Variants in PRKACB observed in about 807,000 individuals in gnomAD.
The protein encoded by PRKACB is protein kinase cAMP-activated catalytic subunit beta.
PRKACB carries 16 observed loss-of-function variants against 51.4 expected under a neutral mutation model. The observed-to-expected ratio is 0.31, with a 90% CI of 0.21 to 0.47. PRKACB has a LOEUF of 0.47. PRKACB is among the 20% of genes least tolerant of loss of function. The pLI is 1.00. For synonymous variants in PRKACB, 147 were observed against 154.4 expected (o/e 0.95, Z 0.35); for missense variants, 309 against 464.5 (o/e 0.67, Z 3.08).
chr1:84,232,727 A>G (rs1675937173), intron 9 of PRKACB, among the ~76,000 whole-genome samples: 1 of 151,950 alleles, frequency 6.6e-6, no homozygotes, highest in Non-Finnish European at 1.5e-5. Flanking sequence ...AGAGACTAGG[A>G]TTGCAACCCC....
intron 1 of PRKACB, among the ~76,000 whole-genome samples, chr1:84,148,859 G>A (rs1192353852): frequency 6.6e-6 from 1 of 152,074 alleles, no homozygotes; most frequent in African/African-American, 2.4e-5. Context: ...CTAACATAAC[G>A]AGAAGCTTTT....
At position 84,151,264 on chromosome 1, in the gene PRKACB, T is replaced by C. The variant is rs566843052; in HGVS notation, c.187+6716T>C. On this transcript the variant is annotated intron_variant, in intron 1 of 9. Transcript: ENST00000370685. ...CAGTGTGCAATAACATTATATCTTTTTAAAAGTACATATCTTAATTTGAAA... is the reference window on the plus strand; with the variant it reads ...CAGTGTGCAATAACATTATATCTTTCTAAAAGTACATATCTTAATTTGAAA... 3.9e-5 allele frequency among the ~76,000 whole-genome samples: 6 copies of C among 152,280 alleles called. No individual in the cohort carries two copies. In the East Asian group the frequency reaches 9.6e-4, roughly 24 times the overall value.
intron 1 of PRKACB, among the ~76,000 whole-genome samples, chr1:84,105,456 T>C (rs1396061710): frequency 2.0e-5 from 3 of 152,146 alleles, no homozygotes; most frequent in African/African-American, 7.2e-5. Context: ...GTGAAAATTT[T>C]CCATTCATCA....
rs1367733830 is a variant in PRKACB at position 84,174,479 on chromosome 1, C to T, written c.188-4698C>T. 2.6e-5 allele frequency among the ~76,000 whole-genome samples: 4 copies of T among 151,858 alleles called. No homozygotes were observed. The South Asian group carries it at 8.3e-4, about 31-fold the overall frequency. ...TCATGTAAGCTTCTCATTTCCTTAA[C>T]AGTGGAAATATGTTTATTCTTTGTA... On this transcript the variant is annotated intron_variant, in intron 1 of 9. Transcript: ENST00000370685.
At chr1:84,144,610 A>G (rs758629206) in intron 1 of PRKACB, 62 bp downstream of exon 1, 12 of 1,454,968 alleles carry the variant, frequency 8.2e-6, no homozygotes, top group East Asian at 5.1e-5. Flanking sequence ...TTGGAGTTTT[A>G]CAATCAAACA....
intron 5 of PRKACB, among the ~76,000 whole-genome samples, chr1:84,195,632 G>C (rs1466378586): frequency 6.6e-6 from 1 of 152,156 alleles, no homozygotes; most frequent in Non-Finnish European, 1.5e-5. Flanking sequence ...AAAAGAACTA[G>C]CTGGGTGCGG....
intron 1 of PRKACB, among the ~76,000 whole-genome samples, chr1:84,160,802 T>C (rs1656086548): frequency 6.6e-6 from 1 of 151,582 alleles, no homozygotes; most frequent in Non-Finnish European, 1.5e-5. Flanking sequence ...TTCTTTCTGT[T>C]TTTATTTATA....
intron 1 of PRKACB, among the ~76,000 whole-genome samples, chr1:84,129,946 A>G (rs1652004742): frequency 6.6e-6 from 1 of 152,174 alleles, no homozygotes; most frequent in South Asian, 2.1e-4. Flanking sequence ...CACGCCTGTA[A>G]TCCCAGCACT....
At chr1:84,134,135 C>T (rs1652545796) in intron 1 of PRKACB, among the ~76,000 whole-genome samples, 1 of 152,188 alleles carries the variant, frequency 6.6e-6, no homozygotes, top group South Asian at 2.1e-4. Context: ...TGAAGTCAAG[C>T]TGCTTCTCTC....
At chr1:84,157,977 A>G (rs888875222) in intron 1 of PRKACB, among the ~76,000 whole-genome samples, 1 of 152,182 alleles carries the variant, frequency 6.6e-6, no homozygotes, top group Non-Finnish European at 1.5e-5. Flanking sequence ...ATTGTTTCCC[A>G]AAGTGGTGGT....
intron 1 of PRKACB, among the ~76,000 whole-genome samples, chr1:84,157,078 G>C (rs957168432): frequency 6.6e-5 from 10 of 152,146 alleles, no homozygotes; most frequent in Admixed American, 3.3e-4. Context: ...ATCTATGAAA[G>C]AGATTTTTGT....
rs763236052 is a variant in PRKACB, at chr1:84,214,187, A to T, written c.941A>T (p.Lys314Met). ...RFPSHFSSDL[K>M]DLLRNLLQVD... ...CCATCCCACTTCAGTTCAGATCTCA[A>T]GGACCTTCTACGGAACCTGCTGCAG... Residue 314 changes from lysine to methionine, a missense_variant, in exon 9 of 10, where the codon AAG (lysine) becomes ATG (methionine). Coordinates refer to ENST00000370685, the MANE Select transcript of PRKACB (RefSeq NM_182948.4). The T allele has an allele frequency of 1.2e-6, 2 of 1,613,212 alleles. No homozygotes were observed. Among genetic ancestry groups the T allele is most frequent in the Non-Finnish European group, 1.7e-6 (2 of 1,179,618 alleles).
intron 9 of PRKACB, among the ~76,000 whole-genome samples, 170 bp from the exon 10 acceptor site, chr1:84,235,010 A>G (rs954441518): frequency 6.6e-6 from 1 of 152,242 alleles, no homozygotes; most frequent in African/African-American, 2.4e-5. Flanking sequence ...TGAGGTTAAT[A>G]GCTAACCTAC....
intron 7 of PRKACB, among the ~76,000 whole-genome samples, chr1:84,201,266 C>T (rs563093142): frequency 1.8e-4 from 27 of 152,096 alleles, no homozygotes; most frequent in African/African-American, 6.5e-4. Context: ...AATTGTATCT[C>T]ATTGTTTTAA....
chr1:84,113,607 G>T (rs1650402806), intron 1 of PRKACB, among the ~76,000 whole-genome samples: 1 of 152,052 alleles, frequency 6.6e-6, no homozygotes, highest in African/African-American at 2.4e-5. Flanking sequence ...CTATACAGTG[G>T]CAACAATTGG....
In PRKACB at chr1:84,204,324, C is replaced by G. The variant is rs1282926512; in HGVS notation, c.906+1519C>G. Reference sequence around the variant, plus strand: ...TAAATACCTCTTACAGATAAATAAACCTAGCTAGGTGTTGAATGCTGTGCA... The same window carrying G: ...TAAATACCTCTTACAGATAAATAAAGCTAGCTAGGTGTTGAATGCTGTGCA... On this transcript the variant is annotated intron_variant, in intron 8 of 9. Transcript: ENST00000370685. Among the ~76,000 whole-genome samples, 7 of 152,032 alleles carry G rather than the reference C, an allele frequency of 4.6e-5. No individual in the cohort carries two copies. In the South Asian group the frequency reaches 6.2e-4, roughly 14 times the overall value.
At chr1:84,219,610 T>C (rs914778930) in intron 9 of PRKACB, among the ~76,000 whole-genome samples, 3 of 151,408 alleles carry the variant, frequency 2.0e-5, no homozygotes, top group African/African-American at 7.3e-5. Flanking sequence ...ACTTAATTCA[T>C]TTTGAGTGAT....
chr1:84,166,286 T>A (rs1195698126), intron 1 of PRKACB, among the ~76,000 whole-genome samples: 3 of 151,716 alleles, frequency 2.0e-5, no homozygotes, highest in African/African-American at 7.2e-5. Context: ...TCAAACTGAA[T>A]ATACCTGGTT....
At position 84,199,048 on chromosome 1, in the gene PRKACB, CAT is replaced by C. The variant is rs149104274; in HGVS notation, c.783+1233_783+1234del. On this transcript the variant is annotated intron_variant, in intron 7 of 9. Transcript: ENST00000370685. ...ATACACATATATACGCATATGTATGCATATATATATGCGTATATATGCATATA... is the reference window on the plus strand; with the variant it reads ...ATACACATATATACGCATATGTATGCATATATATGCGTATATATGCATATA... Among the ~76,000 whole-genome samples, 569 of 131,824 alleles carry C rather than the reference CAT, an allele frequency of 4.3e-3. 4 individuals are homozygous for C. Among genetic ancestry groups the C allele is most frequent in the Middle Eastern group, 0.012 (3 of 244 alleles). The allele number at this position is 131,824 out of a possible 152,430, so 86.5% of individuals were successfully genotyped here.
Sources: allele counts gnomAD v4.1 joint callset (sites outside exome capture counted in the v4.1 genomes callset), GRCh38; gene constraint gnomAD v4.1.1; transcripts MANE v1.5; gene names NCBI Gene and HGNC (gene_info 2026-07-23, HGNC 2026-07-21).